KHDRBS2: variants seen among roughly 807,000 people sequenced by gnomAD.
KHDRBS2 encodes KH RNA binding domain containing, signal transduction associated 2.
A neutral mutation model predicts 44.3 loss-of-function variants in KHDRBS2; 26 were observed. The observed-to-expected ratio is 0.59, with a 90% CI of 0.43 to 0.81. The LOEUF is 0.81. Among genes scored for constraint, KHDRBS2 ranks in the 40% least tolerant of loss-of-function variants. The probability of loss-of-function intolerance (pLI) is 0.00; values close to 1 mark genes in which losing one functional copy is unlikely to be tolerated. For synonymous variants in KHDRBS2, 194 were observed against 151.1 expected, an observed-to-expected ratio of 1.28 and a Z score of -2.08; for missense variants, 476 against 433.1, an observed-to-expected ratio of 1.10 and a Z score of -0.88.
chr6:61,641,906 T>C, the KHDRBS2 span, among the ~76,000 whole-genome samples: 1 of 152,214 alleles, frequency 6.6e-6, no homozygotes, highest in South Asian at 2.1e-4. Flanking sequence ...ATTAGGGCAG[T>C]GCTGGAAATT....
chr6:61,874,639 AC>A (rs1170312403), intron 6 of KHDRBS2, among the ~76,000 whole-genome samples: 1 of 152,188 alleles, frequency 6.6e-6, no homozygotes, highest in African/African-American at 2.4e-5. Context: ...TGAGAAAAGC[AC>A]CTATCTAAAT....
At chr6:61,777,856 T>C (rs190849412) in intron 6 of KHDRBS2, among the ~76,000 whole-genome samples, 13,722 of 152,130 alleles carry the variant, frequency 0.09, 760 homozygotes, top group East Asian at 0.24. Flanking sequence ...CTTTCCTTTT[T>C]AACTTTAATT....
intron 2 of KHDRBS2, among the ~76,000 whole-genome samples, chr6:62,114,703 A>G (rs1298566822): frequency 6.6e-6 from 1 of 151,166 alleles, no homozygotes; most frequent in Non-Finnish European, 1.5e-5. Context: ...ATACATTAAC[A>G]TAGTAACAGT....
rs147043462 is a variant in KHDRBS2 at position 61,906,849 on chromosome 6, C to T, written c.484-5478G>A. ...ACATTGGCTATTGAGAAGGGTGCTG[C>T]GATAAACATGGGCGTGCAGATATCT... On this transcript the variant is annotated intron_variant, in intron 4 of 8. Transcript: ENST00000281156. 1.6e-3 allele frequency among the ~76,000 whole-genome samples: 241 copies of T among 151,598 alleles called. 6 individuals carry two copies. The East Asian group carries it at 0.02, about 13-fold the overall frequency.
intron 2 of KHDRBS2, among the ~76,000 whole-genome samples, chr6:62,119,831 A>T (rs1807168796): frequency 6.6e-6 from 1 of 152,150 alleles, no homozygotes. Flanking sequence ...TTGCCAGGCA[A>T]GATAATGCTG....
At chr6:61,905,167 A>G (rs1804733946) in intron 4 of KHDRBS2, among the ~76,000 whole-genome samples, 1 of 152,216 alleles carries the variant, frequency 6.6e-6, no homozygotes, top group Non-Finnish European at 1.5e-5. Flanking sequence ...TTAATAAGAA[A>G]ATAACAAAGA....
At chr6:61,604,293 C>T in the KHDRBS2 span, among the ~76,000 whole-genome samples, 2 of 49,778 alleles carry the variant, frequency 4.0e-5, no homozygotes, top group Non-Finnish European at 6.2e-5. Flanking sequence ...CATCAAAAGG[C>T]ATCAGATCCA....
chr6:62,219,774 TTA>T (rs1830574690), intron 1 of KHDRBS2, among the ~76,000 whole-genome samples: 1 of 148,658 alleles, frequency 6.7e-6, no homozygotes, highest in Non-Finnish European at 1.5e-5. Context: ...TTTTCAAGTT[TTA>T]TATATATATT....
At chr6:61,973,059 GGGA>G (rs1333508889) in intron 4 of KHDRBS2, among the ~76,000 whole-genome samples, 2 of 152,088 alleles carry the variant, frequency 1.3e-5, no homozygotes, top group African/African-American at 4.8e-5. Context: ...ACTTGAACCT[GGGA>G]GGAGAAGGTT....
chr6:61,936,517 A>T (rs1460505153), intron 4 of KHDRBS2, among the ~76,000 whole-genome samples: 2 of 150,812 alleles, frequency 1.3e-5, no homozygotes, highest in Non-Finnish European at 3.0e-5. Flanking sequence ...TTTAAGTTAG[A>T]TTTTTTTTTA....
chr6:62,086,373 TA>T (rs567449142), intron 2 of KHDRBS2, among the ~76,000 whole-genome samples: 31 of 152,236 alleles, frequency 2.0e-4, no homozygotes, highest in Non-Finnish European at 3.7e-4. Context: ...TTGATAGCTA[TA>T]AAAAATATTT....
intron 4 of KHDRBS2, among the ~76,000 whole-genome samples, chr6:61,908,203 TAA>T (rs1444569369): frequency 6.6e-6 from 1 of 151,996 alleles, no homozygotes. Context: ...CCTGGAGAGA[TAA>T]AGAGTTAGAG....
intron 1 of KHDRBS2, among the ~76,000 whole-genome samples, chr6:62,186,121 A>G (rs1010767189): frequency 1.3e-5 from 2 of 152,054 alleles, no homozygotes; most frequent in African/African-American, 4.8e-5. Flanking sequence ...ACTTGCCAAC[A>G]AGTGATGATG....
chr6:61,856,412 T>C (rs1342374769), intron 6 of KHDRBS2, among the ~76,000 whole-genome samples: 1 of 152,134 alleles, frequency 6.6e-6, no homozygotes, highest in East Asian at 1.9e-4. Context: ...TTATTTTTAC[T>C]CAGAGCAGAG....
At chr6:61,949,255 G>A (rs572151028) in intron 4 of KHDRBS2, among the ~76,000 whole-genome samples, 3 of 152,196 alleles carry the variant, frequency 2.0e-5, no homozygotes, top group Non-Finnish European at 4.4e-5. Flanking sequence ...TTTGACTTGT[G>A]ACTTGATTCT....
intron 2 of KHDRBS2, among the ~76,000 whole-genome samples, chr6:62,116,749 C>T (rs1272697294): frequency 6.6e-6 from 1 of 152,132 alleles, no homozygotes; most frequent in African/African-American, 2.4e-5. Flanking sequence ...AGTCTCTCTT[C>T]ATTTTCTTTT....
the KHDRBS2 span, among the ~76,000 whole-genome samples, chr6:61,602,266 C>T: frequency 6.6e-6 from 1 of 152,130 alleles, no homozygotes; most frequent in African/African-American, 2.4e-5. Flanking sequence ...TCCTTGCCTC[C>T]ACTGTGAGAC....
At chr6:61,858,722 GGAAATC>G (rs1451961765) in intron 6 of KHDRBS2, among the ~76,000 whole-genome samples, 5 of 151,652 alleles carry the variant, frequency 3.3e-5, no homozygotes, top group Admixed American at 6.6e-5. Flanking sequence ...CTGTAACTAA[GGAAATC>G]AGTAGGTTTA....
intron 3 of KHDRBS2, among the ~76,000 whole-genome samples, chr6:62,007,875 A>T (rs1779552950): frequency 6.6e-6 from 1 of 152,198 alleles, no homozygotes; most frequent in Admixed American, 6.5e-5. Context: ...ACTAGAACAC[A>T]TATGTTGTGC....
Sources: allele counts gnomAD v4.1 joint callset (sites outside exome capture counted in the v4.1 genomes callset), GRCh38; gene constraint gnomAD v4.1.1; transcripts MANE v1.5; gene names NCBI Gene and HGNC (gene_info 2026-07-23, HGNC 2026-07-21).